The following TNKS variants were observed in gnomAD, a reference collection of about 807,000 sequenced individuals.
The protein encoded by TNKS is poly [ADP-ribose] polymerase tankyrase-1.
Under a neutral mutation model 135.8 loss-of-function variants are expected in TNKS, and 72 were observed. The ratio of observed to expected loss-of-function variants is 0.53; its 90% confidence interval spans 0.44 to 0.64. The LOEUF (loss-of-function observed/expected upper bound fraction) is 0.64. Among genes scored for constraint, TNKS ranks in the 30% least tolerant of loss-of-function variants. The pLI is 0.00. For synonymous variants in TNKS, 849 were observed against 649.3 expected (o/e 1.31, Z -4.68); for missense variants, 1,769 against 1,674.0 (o/e 1.06, Z -0.99).
At chr8:9,567,678 A>G (rs200145299) in intron 1 of TNKS, among the ~76,000 whole-genome samples, 1 of 152,138 alleles carries the variant, frequency 6.6e-6, no homozygotes, top group Non-Finnish European at 1.5e-5. Flanking sequence ...TGGCCTCCCA[A>G]AGTGGTGGGA....
rs558529327 is a variant in TNKS at position 9,735,429 on chromosome 8, T to A, written c.2586T>A (p.Asp862Glu). The change falls in exon 17 of 27, where the codon GAT becomes GAA. Residue 862 changes from aspartate to glutamate, a missense_variant. By Grantham distance (45) the Asp-to-Glu change is conservative. This residue lies in a region of TNKS where 722 missense variants were observed against 688.9 expected (regional missense o/e 1.05). Coordinates refer to ENST00000310430, the MANE Select transcript of TNKS (RefSeq NM_003747.3). ...VAEYLLEHGA[D>E]VNAQDKGGLI... ...AATATCTTCTAGAGCATGGAGCTGA[T>A]GTTAATGCCCAGGACAAGGGTGGTT... 15 of 1,614,134 alleles carry A rather than the reference T, an allele frequency of 9.3e-6. No homozygotes were observed. In the South Asian group the frequency reaches 1.5e-4, roughly 17 times the overall value.
intron 2 of TNKS, among the ~76,000 whole-genome samples, chr8:9,603,391 A>T (rs745896993): frequency 6.6e-6 from 1 of 152,228 alleles, no homozygotes; most frequent in Non-Finnish European, 1.5e-5. Flanking sequence ...AAAAATTCAG[A>T]TTATCAGTTT....
intron 3 of TNKS, among the ~76,000 whole-genome samples, chr8:9,627,033 T>G (rs1417213625): frequency 6.6e-6 from 1 of 152,140 alleles, no homozygotes; most frequent in South Asian, 2.1e-4. Flanking sequence ...GCCCAACCAC[T>G]GAGGAAGGGA....
At chr8:9,659,702 A>T (rs568827088) in intron 3 of TNKS, among the ~76,000 whole-genome samples, 1 of 152,346 alleles carries the variant, frequency 6.6e-6, no homozygotes, top group African/African-American at 2.4e-5. Context: ...AAACACATTC[A>T]AAAGCTAGCA....
At chr8:9,715,301 G>A (rs1336662770) in intron 11 of TNKS, among the ~76,000 whole-genome samples, 1 of 151,996 alleles carries the variant, frequency 6.6e-6, no homozygotes, top group Non-Finnish European at 1.5e-5. Flanking sequence ...TAAAGGAACT[G>A]TATAGAAACG....
intron 9 of TNKS, 45 bp from the exon 10 acceptor site, chr8:9,709,910 C>T (rs377120215): frequency 1.4e-6 from 2 of 1,445,742 alleles, no homozygotes; most frequent in Non-Finnish European, 1.9e-6. Context: ...AGCTACTGTA[C>T]ATATGGAAGT....
intron 10 of TNKS, 39 bp from the exon 11 acceptor site, chr8:9,710,103 A>C (rs1397830667): frequency 6.2e-7 from 1 of 1,612,092 alleles, no homozygotes; most frequent in Admixed American, 1.7e-5. Context: ...GCAATAAAAG[A>C]GAGACAATTA....
Position 9,765,775 on chromosome 8 carries a change from C to G in TNKS, c.3531C>G (p.His1177Gln). 2 of 1,613,930 alleles carry G rather than the reference C, an allele frequency of 1.2e-6. No homozygotes were observed. Among genetic ancestry groups the G allele is most frequent in the Non-Finnish European group, 1.7e-6 (2 of 1,179,870 alleles). ...KEVSEENHNH[H>Q]NERMLFHGSP... ...TGTCTGAGGAGAATCACAACCATCA[C>G]AATGAGCGCATGTTGTTTCATGGTA... Residue 1177 changes from histidine to glutamine, a missense_variant, in exon 24 of 27, where the codon CAC (histidine) becomes CAG (glutamine). Transcript: ENST00000310430.
chr8:9,704,734 T>A lies in TNKS; in HGVS notation c.1179T>A (p.Ala393=). The part of the protein sequence containing the change: ...RIVQLLLQHG[A]DVHAKDKGGL... ...TTCAGCTTCTTCTTCAGCATGGTGC[T>A]GATGTTCATGCAAAAGACAAAGGGT... The change falls in exon 6 of 27, where the codon GCT becomes GCA. Residue 393 remains alanine (A), a synonymous_variant. Coordinates refer to ENST00000310430, the MANE Select transcript of TNKS (RefSeq NM_003747.3). 1 of 1,613,358 alleles carries A rather than the reference T, an allele frequency of 6.2e-7. No homozygotes were observed. The highest frequency in any genetic ancestry group is 2.2e-5 in the East Asian group (1 of 44,848).
chr8:9,758,775 A>T (rs1028222068), intron 20 of TNKS, among the ~76,000 whole-genome samples: 4 of 152,194 alleles, frequency 2.6e-5, no homozygotes. Flanking sequence ...CTTATGGAGT[A>T]TTACTTACCT....
chr8:9,699,298 C>G (rs1383493441), intron 5 of TNKS, among the ~76,000 whole-genome samples: 1 of 152,190 alleles, frequency 6.6e-6, no homozygotes, highest in Non-Finnish European at 1.5e-5. Flanking sequence ...ATAAATTTGG[C>G]ACTATGTGGT....
intron 6 of TNKS, among the ~76,000 whole-genome samples, chr8:9,705,743 A>C (rs923977402): frequency 3.3e-5 from 5 of 152,060 alleles, no homozygotes; most frequent in African/African-American, 1.2e-4. Flanking sequence ...GTACACCACA[A>C]AAAAAGGGTT....
At chr8:9,576,716 A>G (rs974484000) in intron 1 of TNKS, among the ~76,000 whole-genome samples, 8 of 152,108 alleles carry the variant, frequency 5.3e-5, no homozygotes, top group Non-Finnish European at 1.0e-4. Context: ...CCAATTCAAC[A>G]TGAGATTTGG....
chr8:9,562,004 A>G (rs1797351856), intron 1 of TNKS, among the ~76,000 whole-genome samples: 2 of 151,962 alleles, frequency 1.3e-5, no homozygotes, highest in African/African-American at 4.8e-5. Context: ...TTTAGTAGAG[A>G]CGGGGTTTCA....
At chr8:9,765,121 G>T (rs568428461) in intron 23 of TNKS, among the ~76,000 whole-genome samples, 1 of 152,156 alleles carries the variant, frequency 6.6e-6, no homozygotes, top group Non-Finnish European at 1.5e-5. Context: ...TCATTTGAGA[G>T]TTGCATCAAA....
intron 20 of TNKS, among the ~76,000 whole-genome samples, chr8:9,753,186 C>G: frequency 6.6e-6 from 1 of 152,146 alleles, no homozygotes; most frequent in Admixed American, 6.5e-5. Flanking sequence ...TTAGACCATG[C>G]AACTACCTCA....
intron 6 of TNKS, among the ~76,000 whole-genome samples, chr8:9,705,243 A>G (rs1015056705): frequency 1.3e-5 from 2 of 152,178 alleles, no homozygotes; most frequent in African/African-American, 2.4e-5. Context: ...TAACTAAAAA[A>G]GCAGTTATGT....
chr8:9,638,229 C>T (rs1314895987), intron 3 of TNKS, among the ~76,000 whole-genome samples: 5 of 152,232 alleles, frequency 3.3e-5, no homozygotes, highest in Non-Finnish European at 7.3e-5. Flanking sequence ...ATCACCGCAG[C>T]CTCCTAAAGC....
Position 9,580,402 on chromosome 8 carries a change from T to C in TNKS, c.898+19T>C. 6.2e-7 allele frequency: 1 copy of C among 1,601,438 alleles called. No individual in the cohort carries two copies. Among genetic ancestry groups the C allele is most frequent in the Non-Finnish European group, 8.5e-7 (1 of 1,170,524 alleles). On this transcript the variant is annotated intron_variant, in intron 2 of 26. Transcript: ENST00000310430. ...TGCATTGGTAAGTATCATTTGATGA[T>C]ATCTAAATTTTAAATAAAGGTTTAT...
Sources: allele counts gnomAD v4.1 joint callset (sites outside exome capture counted in the v4.1 genomes callset), GRCh38; gene constraint gnomAD v4.1.1; regional missense constraint gnomAD v4.1.1; transcripts MANE v1.5; gene names NCBI Gene and HGNC (gene_info 2026-07-23, HGNC 2026-07-21).